CWC27: variants seen among roughly 807,000 people sequenced by gnomAD.
CWC27 encodes the protein spliceosome-associated protein CWC27 homolog.
CWC27 carries 47 observed loss-of-function variants against 63.6 expected under a neutral mutation model. The ratio of observed to expected loss-of-function variants is 0.74; its 90% CI spans 0.58 to 0.94. The LOEUF is 0.94. Ranked by LOEUF, CWC27 falls within the 40% of genes least tolerant of loss-of-function variation. The pLI, the probability that CWC27 is intolerant of heterozygous loss-of-function variation, is 0.00. For synonymous variants in CWC27, 175 were observed against 179.8 expected (o/e 0.97, Z 0.22); for missense variants, 495 against 554.3 (o/e 0.89, Z 1.07).
chr5:64,843,289 A>G (rs973623994), intron 10 of CWC27, among the ~76,000 whole-genome samples: 4 of 152,232 alleles, frequency 2.6e-5, no homozygotes, highest in Non-Finnish European at 4.4e-5. Context: ...ACCATATGTT[A>G]TCAGGAAACT....
intron 3 of CWC27, 33 bp downstream of exon 3, chr5:64,782,066 T>A (rs1232105562): frequency 9.1e-7 from 1 of 1,104,732 alleles, no homozygotes. Flanking sequence ...ATTATTATTT[T>A]TGTTGTTATT....
chr5:65,000,756 G>T (rs1013799587), intron 13 of CWC27, among the ~76,000 whole-genome samples: 1 of 152,068 alleles, frequency 6.6e-6, no homozygotes, highest in East Asian at 1.9e-4. Context: ...AAGTCGGAGA[G>T]TGTGATACCT....
At chr5:64,787,123 G>A (rs1412077311) in intron 6 of CWC27, among the ~76,000 whole-genome samples, 1 of 152,116 alleles carries the variant, frequency 6.6e-6, no homozygotes, top group South Asian at 2.1e-4. Context: ...CTATAATCCA[G>A]TCACCTCCCA....
chr5:64,882,680 G>A (rs533863881), intron 10 of CWC27, among the ~76,000 whole-genome samples: 11 of 152,240 alleles, frequency 7.2e-5, no homozygotes, highest in Admixed American at 5.2e-4. Context: ...TGCAGGCTCC[G>A]CCTCTCGGGT....
At chr5:64,812,166 C>G (rs541050170) in intron 10 of CWC27, among the ~76,000 whole-genome samples, 1 of 151,798 alleles carries the variant, frequency 6.6e-6, no homozygotes, top group East Asian at 1.9e-4. Flanking sequence ...AAAGATAGTT[C>G]AATATTTAAA....
At position 64,855,125 on chromosome 5, in the gene CWC27, G is replaced by A. The variant is rs1301875984; in HGVS notation, c.939-30318G>A. 2.6e-5 allele frequency among the ~76,000 whole-genome samples: 4 copies of A among 152,084 alleles called. No homozygotes were observed. In the East Asian group the frequency reaches 7.7e-4, roughly 29 times the overall value. On this transcript the variant is annotated intron_variant, in intron 10 of 13. Coordinates refer to ENST00000381070, the MANE Select transcript of CWC27 (RefSeq NM_005869.4). ...CTTTTGCTATCTTTAATAAATGCTT[G>A]GTAACCTCAATATTAATGGTCTAAC...
intron 13 of CWC27, among the ~76,000 whole-genome samples, chr5:65,000,500 G>T (rs577538922): frequency 6.6e-6 from 1 of 152,102 alleles, no homozygotes; most frequent in African/African-American, 2.4e-5. Context: ...GTTGATTTTT[G>T]TATATGATGA....
At chr5:64,969,546 T>G (rs1479897297) in intron 11 of CWC27, among the ~76,000 whole-genome samples, 1 of 152,150 alleles carries the variant, frequency 6.6e-6, no homozygotes, top group Non-Finnish European at 1.5e-5. Flanking sequence ...CCTTCTTCAA[T>G]TACATTATTA....
chr5:64,801,441 G>T (rs1580616297), intron 9 of CWC27, 109 bp downstream of exon 9: 2 of 915,950 alleles, frequency 2.2e-6, no homozygotes, highest in Admixed American at 4.3e-5. Flanking sequence ...TACTTTTATA[G>T]TTATATATGT....
chr5:64,933,439 C>T (rs890343445), intron 11 of CWC27, among the ~76,000 whole-genome samples: 2 of 151,920 alleles, frequency 1.3e-5, no homozygotes, highest in Non-Finnish European at 2.9e-5. Context: ...TTAATATTTG[C>T]ACATTGCATT....
chr5:64,950,869 G>A (rs1178205964), intron 11 of CWC27, among the ~76,000 whole-genome samples: 1 of 151,908 alleles, frequency 6.6e-6, no homozygotes, highest in Non-Finnish European at 1.5e-5. Context: ...AGAATTTCAT[G>A]TGAATGGTGT....
At chr5:64,863,542 C>G (rs1265816563) in intron 10 of CWC27, among the ~76,000 whole-genome samples, 1 of 151,986 alleles carries the variant, frequency 6.6e-6, no homozygotes, top group Non-Finnish European at 1.5e-5. Flanking sequence ...TTTCCCAAGC[C>G]GGAATGCAGT....
intron 7 of CWC27, among the ~76,000 whole-genome samples, chr5:64,791,574 A>G (rs1199323605): frequency 6.6e-6 from 1 of 152,034 alleles, no homozygotes; most frequent in African/African-American, 2.4e-5. Context: ...TCAAATGAAT[A>G]TTATTATCCT....
chr5:65,014,771 G>T (rs1199200559), intron 13 of CWC27, among the ~76,000 whole-genome samples: 1 of 152,188 alleles, frequency 6.6e-6, no homozygotes, highest in Non-Finnish European at 1.5e-5. Flanking sequence ...AATTTATTAT[G>T]CTGAAAATCA....
Position 64,885,427 on chromosome 5 carries a change from T to A in CWC27, c.939-16T>A. ...TCAATATATTATATACTTATATAAC[T>A]CTTTTTGCTTTATAGTGAAGAGCTC... On this transcript the variant is annotated splice_polypyrimidine_tract_variant and intron_variant, in intron 10 of 13. Transcript: ENST00000381070. 5 of 1,556,566 alleles carry A rather than the reference T, an allele frequency of 3.2e-6. No individual in the cohort carries two copies. The highest frequency in any genetic ancestry group is 4.4e-6 in the Non-Finnish European group (5 of 1,144,396).
intron 11 of CWC27, among the ~76,000 whole-genome samples, chr5:64,960,020 A>G (rs189758151): frequency 2.0e-5 from 3 of 152,114 alleles, no homozygotes; most frequent in African/African-American, 7.2e-5. Flanking sequence ...GCCATAAGGG[A>G]TTCTTCCTAG....
At chr5:64,963,988 A>G (rs1748967458) in intron 11 of CWC27, among the ~76,000 whole-genome samples, 1 of 152,200 alleles carries the variant, frequency 6.6e-6, no homozygotes. Flanking sequence ...GGGTTTCTAT[A>G]TTTACCTGAC....
chr5:64,781,430 G>T (rs546966045), intron 2 of CWC27, among the ~76,000 whole-genome samples: 1 of 152,124 alleles, frequency 6.6e-6, no homozygotes, highest in African/African-American at 2.4e-5. Context: ...GGGAAATAAG[G>T]TATTTATCTT....
chr5:64,908,019 A>G (rs1203359697), intron 11 of CWC27, among the ~76,000 whole-genome samples: 1 of 152,182 alleles, frequency 6.6e-6, no homozygotes, highest in Admixed American at 6.5e-5. Context: ...TCTTGTGGGC[A>G]TTTAGTGCTA....
Sources: gnomAD v4.1 joint callset for allele counts (sites outside exome capture counted in the v4.1 genomes callset) on GRCh38, gnomAD v4.1.1 for gene constraint, MANE v1.5 for transcripts, NCBI Gene and HGNC (gene_info 2026-07-23, HGNC 2026-07-21) for gene names.